The following PDE4A variants were observed in gnomAD, a reference collection of about 807,000 sequenced individuals.
The protein encoded by PDE4A is phosphodiesterase 4A, also known as 3',5'-cyclic-AMP phosphodiesterase 4A.
Under a neutral mutation model 73.9 loss-of-function variants are expected in PDE4A, and 21 were observed. The ratio of observed to expected loss-of-function variants is 0.28; its 90% CI spans 0.20 to 0.41. The LOEUF is 0.41. Among genes scored for constraint, PDE4A ranks in the 10% least tolerant of loss-of-function variants. PDE4A has a pLI of 1.00. For missense variants in PDE4A, 958 were observed against 1,211.4 expected (o/e 0.79, Z 3.10); for synonymous variants, 463 against 505.4 (o/e 0.92, Z 1.13).
In PDE4A at chr19:10,453,790, T is replaced by C. The variant is rs2043130645; in HGVS notation, c.784-1039T>C. On this transcript the variant is annotated intron_variant, in intron 6 of 14. Transcript: ENST00000380702. This position sits in a 1 kb window ranked among gnomAD's most constrained non-coding sequence, Gnocchi z 4.6. ...TGTGTCTGGGCTGTGTGACGCTGTG[T>C]AGGACTGAGAGCCTGTGATTGTGTG... is the stretch of plus-strand genomic sequence containing the variant. Among the ~76,000 whole-genome samples, 3 of 152,140 alleles carry C rather than the reference T, an allele frequency of 2.0e-5. No homozygotes were observed. The South Asian group carries it at 6.2e-4, about 31-fold the overall frequency.
Position 10,448,897 on chromosome 19 carries a change from G to A in PDE4A, c.513-20G>A. The A allele has an allele frequency of 6.2e-7, 1 of 1,613,764 alleles. No homozygotes were observed. Among genetic ancestry groups the A allele is most frequent in the Non-Finnish European group, 8.5e-7 (1 of 1,179,836 alleles). On this transcript the variant is annotated intron_variant, in intron 2 of 14. Transcript: ENST00000380702. ...TTGCTTCTCTGCGGACCCCTGACCT[G>A]CCTCTGTCCTCAATCACAGGCACGC...
At chr19:10,422,476 C>T (rs1035464918) in intron 1 of PDE4A, among the ~76,000 whole-genome samples, 1 of 152,140 alleles carries the variant, frequency 6.6e-6, no homozygotes, top group African/African-American at 2.4e-5. Flanking sequence ...TGTGCTCCAG[C>T]GATGTGTGCA....
upstream of PDE4A, chr19:10,417,741 G>T (rs758475398): frequency 2.5e-6 from 4 of 1,585,888 alleles, no homozygotes; most frequent in East Asian, 2.3e-5. Context: ...CCTCTCGTCC[G>T]GTCCTGGCCT....
intron 6 of PDE4A, among the ~76,000 whole-genome samples, chr19:10,451,411 T>G (rs555973429): frequency 6.6e-6 from 1 of 151,054 alleles, no homozygotes; most frequent in East Asian, 1.9e-4. Context: ...CGTTGGGGGG[T>G]TTTATGCTTT....
intron 7 of PDE4A, 25 bp from the exon 8 acceptor site, chr19:10,457,854 T>C (rs2043196294): frequency 6.2e-7 from 1 of 1,611,728 alleles, no homozygotes; most frequent in African/African-American, 1.3e-5. Context: ...TGTTCACACT[T>C]GTTCCTGCTC....
chr19:10,458,085 G>C lies in PDE4A; in HGVS notation c.1084G>C (p.Glu362Gln), dbSNP rs777351972. ...IPRFGVKTDQ[E>Q]ELLAQELENL... is the part of the protein sequence containing the mutation. ...CCGATTTGGGGTGAAGACCGATCAAGAAGAGCTCCTGGCCCAAGTGGGTGG... is the reference window on the plus strand; with the variant it reads ...CCGATTTGGGGTGAAGACCGATCAACAAGAGCTCCTGGCCCAAGTGGGTGG... The change falls in exon 8 of 15, where the codon GAA (glutamate) becomes CAA (glutamine). Residue 362 changes from glutamate (E) to glutamine (Q), a missense_variant. By Grantham distance (29) the Glu-to-Gln change is conservative. Coordinates refer to ENST00000380702, the MANE Select transcript of PDE4A (RefSeq NM_001111307.2). The surrounding 1 kb of genome is among the most constrained non-coding windows in gnomAD (Gnocchi z 4.6). The C allele has an allele frequency of 6.2e-7, 1 of 1,613,744 alleles. No homozygotes were observed. Among genetic ancestry groups the C allele is most frequent in the East Asian group, 2.2e-5 (1 of 44,880 alleles).
At chr19:10,433,356 C>T (rs477174) in intron 1 of PDE4A, among the ~76,000 whole-genome samples, 74,794 of 151,822 alleles carry the variant, frequency 0.49, 19,971 homozygotes, top group African/African-American at 0.71. Flanking sequence ...GTGGGGGACA[C>T]TGTATTTTGG....
upstream of PDE4A, chr19:10,416,913 G>T (rs1376977705): frequency 1.3e-6 from 2 of 1,537,820 alleles, no homozygotes; most frequent in East Asian, 2.4e-5. Context: ...CATGGCCACC[G>T]CAGTCCCAAC....
At chr19:10,432,165 G>C (rs1174869631) in intron 1 of PDE4A, among the ~76,000 whole-genome samples, 5 of 143,614 alleles carry the variant, frequency 3.5e-5, no homozygotes, top group Non-Finnish European at 7.6e-5. Context: ...AGAGGCCTAG[G>C]AGGGAGGAGA....
chr19:10,417,831 C>T (rs1326614194), upstream of PDE4A: 3 of 1,558,530 alleles, frequency 1.9e-6, no homozygotes, highest in East Asian at 7.1e-5. Context: ...GCTGATCCCA[C>T]CGCGGATTTC....
chr19:10,450,716 C>A, intron 5 of PDE4A, 64 bp downstream of exon 5: 1 of 1,587,742 alleles, frequency 6.3e-7, no homozygotes, highest in Non-Finnish European at 8.6e-7. Context: ...TCCCTCAGCC[C>A]CTTCCCCACC....
rs1451369495 is a variant in PDE4A at position 10,467,030 on chromosome 19, A to C, written c.2070A>C (p.Pro690=). 6.2e-7 allele frequency: 1 copy of C among 1,614,124 alleles called. No homozygotes were observed. Among genetic ancestry groups the C allele is most frequent in the East Asian group, 2.2e-5 (1 of 44,882 alleles). Residue 690 remains proline (P), a synonymous_variant, in exon 15 of 15, where the codon CCA becomes CCC. Transcript: ENST00000380702. ...CCATCCGGCAGAGCCCATCTCCGCC[A>C]CCCGAGGAGGAGTCAAGGGGGCCAG... ...YSAIRQSPSP[P]PEEESRGPGH... is the part of the protein sequence containing the mutation.
intron 1 of PDE4A, 160 bp downstream of exon 1, chr19:10,421,244 T>C: frequency 1.0e-6 from 1 of 985,302 alleles, no homozygotes; most frequent in Non-Finnish European, 1.2e-6. Context: ...ACCTGGCCCC[T>C]GGTTGTGCGC....
intron 6 of PDE4A, 117 bp from the exon 7 acceptor site, chr19:10,454,712 T>C: frequency 4.5e-6 from 7 of 1,554,858 alleles, no homozygotes; most frequent in Non-Finnish European, 5.2e-6. Context: ...CTCTGTTGGC[T>C]GAGCAGAAAA....
intron 1 of PDE4A, 158 bp from the exon 2 acceptor site, chr19:10,446,060 A>G (rs922698412): frequency 1.4e-6 from 1 of 716,138 alleles, no homozygotes; most frequent in African/African-American, 1.9e-5. Context: ...CTGGTCTCGA[A>G]CTCCTGACCT....
At chr19:10,419,562 G>C (rs1230187645), upstream of PDE4A, 2 of 152,296 alleles carry the variant, frequency 1.3e-5, no homozygotes, top group Non-Finnish European at 2.9e-5. Flanking sequence ...TAGAGCGGTG[G>C]GCCGGCAGCT....
chr19:10,421,310 G>T lies in PDE4A; in HGVS notation c.320+226G>T, dbSNP rs1022413068. On this transcript the variant is annotated intron_variant, in intron 1 of 14. Transcript: ENST00000380702. ...CTGGGGTCCATTTAGGGGGCGCCACGCTGCGCGTGGTGTTAACGAGGTCTG... is the reference window on the plus strand; with the variant it reads ...CTGGGGTCCATTTAGGGGGCGCCACTCTGCGCGTGGTGTTAACGAGGTCTG... The T allele has an allele frequency of 3.0e-6, 3 of 985,320 alleles. No homozygotes were observed. In the African/African-American group the frequency reaches 5.2e-5, roughly 17 times the overall value. 61.0% of individuals were successfully genotyped at this position (985,320 alleles called of 1,614,324 possible). A position where few individuals can be genotyped will look rare whatever the true frequency, so the allele number is the denominator to read the frequency against.
intron 2 of PDE4A, among the ~76,000 whole-genome samples, chr19:10,447,605 G>A (rs1025755287): frequency 6.6e-6 from 1 of 151,200 alleles, no homozygotes; most frequent in Non-Finnish European, 1.5e-5. Flanking sequence ...CTGGGCTCAA[G>A]CGATCCTCCC....
In PDE4A at chr19:10,453,082, C is replaced by T. The variant is rs2043118176; in HGVS notation, c.784-1747C>T. ...GGGCTGGCGGGCCATGTAACCAGGG[C>T]TGCTGCTGGGAGCGCGGAGGGGAAG... On this transcript the variant is annotated intron_variant, in intron 6 of 14. Transcript: ENST00000380702. The surrounding 1 kb of genome is among the most constrained non-coding windows in gnomAD (Gnocchi z 4.6). The T allele has an allele frequency of 2.2e-6, 3 of 1,344,522 alleles. No individual in the cohort carries two copies. The allele number at this position is 1,344,522 out of a possible 1,614,324, so 83.3% of individuals were successfully genotyped here.
Sources: allele counts gnomAD v4.1 joint callset (sites outside exome capture counted in the v4.1 genomes callset), GRCh38; gene constraint gnomAD v4.1.1; non-coding constraint Gnocchi (gnomAD v3.1); transcripts MANE v1.5; gene names NCBI Gene and HGNC (gene_info 2026-07-23, HGNC 2026-07-21).